DNAJC17: variants seen among roughly 807,000 people sequenced by gnomAD.
DNAJC17 encodes the protein DnaJ heat shock protein family (Hsp40) member C17, also known as dnaJ homolog subfamily C member 17.
Under a neutral mutation model 48.1 loss-of-function variants are expected in DNAJC17, and 35 were observed. The observed-to-expected ratio is 0.73, with a 90% confidence interval of 0.56 to 0.96. The LOEUF is 0.96. DNAJC17 is among the 50% of genes least tolerant of loss of function. DNAJC17 has a pLI of 0.00. For synonymous variants in DNAJC17, 117 were observed against 142.7 expected (o/e 0.82, Z 1.28); for missense variants, 355 against 377.1 (o/e 0.94, Z 0.48).
In DNAJC17 at chr15:40,786,846, C is replaced by T. The variant is rs181313440; in HGVS notation, c.79-6849G>A. On this transcript the variant is annotated intron_variant, in intron 1 of 10. Coordinates refer to ENST00000220496, the MANE Select transcript of DNAJC17 (RefSeq NM_018163.3). ...CAATTTGCAGAAACTTGGTCTTTCT[C>T]CTGATGGCTTTCTAAAAACCTCACT... 1.0e-3 allele frequency among the ~76,000 whole-genome samples: 152 copies of T among 152,306 alleles called. 1 individual carries two copies. The highest frequency in any genetic ancestry group is 1.8e-3 in the Non-Finnish European group (125 of 68,014).
intron 1 of DNAJC17, among the ~76,000 whole-genome samples, chr15:40,785,919 T>C (rs905476224): frequency 4.6e-5 from 7 of 152,258 alleles, no homozygotes; most frequent in Non-Finnish European, 8.8e-5. Context: ...TAGTTATTAC[T>C]ATATTTAACT....
At chr15:40,800,795 C>T (rs1890056611) in intron 1 of DNAJC17, among the ~76,000 whole-genome samples, 1 of 151,856 alleles carries the variant, frequency 6.6e-6, no homozygotes, top group African/African-American at 2.4e-5. Flanking sequence ...CACATCTCCA[C>T]TAAAAATATA....
At chr15:40,793,356 T>C (rs1336097864) in intron 1 of DNAJC17, among the ~76,000 whole-genome samples, 1 of 152,228 alleles carries the variant, frequency 6.6e-6, no homozygotes, top group East Asian at 1.9e-4. Context: ...ACTGAGTATA[T>C]AACTGTGTGA....
Position 40,770,646 on chromosome 15 carries a change from G to A in DNAJC17, c.793-2584C>T. On this transcript the variant is annotated intron_variant, in intron 10 of 10. Transcript: ENST00000220496. The surrounding 1 kb of genome is among the most constrained non-coding windows in gnomAD (Gnocchi z 5.0). Reference sequence around the variant, plus strand: ...CCACGAGGAGTACAGCAACCGAGAAGTCATCCGGGAGCTACAAGGGAGGCC... The same window carrying A: ...CCACGAGGAGTACAGCAACCGAGAAATCATCCGGGAGCTACAAGGGAGGCC... The A allele has an allele frequency of 6.5e-7, 1 of 1,550,228 alleles. No homozygotes were observed. Among genetic ancestry groups the A allele is most frequent in the Non-Finnish European group, 8.7e-7 (1 of 1,146,960 alleles).
At chr15:40,800,485 CT>C (rs780909826) in intron 1 of DNAJC17, among the ~76,000 whole-genome samples, 404 of 141,656 alleles carry the variant, frequency 2.9e-3, no homozygotes, top group Middle Eastern at 0.011. Context: ...TTGTCTTTTT[CT>C]TTTTTTTTTT....
intron 1 of DNAJC17, among the ~76,000 whole-genome samples, chr15:40,782,728 A>G (rs1474091040): frequency 6.6e-6 from 1 of 152,154 alleles, no homozygotes; most frequent in Non-Finnish European, 1.5e-5. Context: ...AGCAGCCAGC[A>G]TCCACAAGGT....
At chr15:40,777,801 C>T (rs13380176) in intron 4 of DNAJC17, among the ~76,000 whole-genome samples, 64,781 of 151,588 alleles carry the variant, frequency 0.43, 14,408 homozygotes, top group Middle Eastern at 0.57. Flanking sequence ...ATGCTTGCAG[C>T]AATCTTATTG....
intron 1 of DNAJC17, among the ~76,000 whole-genome samples, chr15:40,790,470 T>C (rs1889769831): frequency 6.6e-6 from 1 of 152,120 alleles, no homozygotes; most frequent in Non-Finnish European, 1.5e-5. Context: ...TCCCAGCTAC[T>C]TGGGAAGCTG....
intron 1 of DNAJC17, among the ~76,000 whole-genome samples, chr15:40,799,092 G>A (rs1192184404): frequency 2.0e-5 from 3 of 151,980 alleles, no homozygotes; most frequent in Non-Finnish European, 4.4e-5. Context: ...TGGTGTGGTG[G>A]CGGGCGCCTG....
chr15:40,802,656 A>G (rs970172803), intron 1 of DNAJC17, among the ~76,000 whole-genome samples: 3 of 152,142 alleles, frequency 2.0e-5, no homozygotes, highest in African/African-American at 7.2e-5. Context: ...GAAGGAGCAG[A>G]GGCCTGAGCT....
intron 1 of DNAJC17, among the ~76,000 whole-genome samples, chr15:40,804,351 G>A (rs1375157217): frequency 6.6e-6 from 1 of 151,782 alleles, no homozygotes; most frequent in African/African-American, 2.4e-5. Context: ...GACCAGGCAG[G>A]AGGATAGCTT....
At chr15:40,781,265 T>C (rs943610964) in intron 1 of DNAJC17, among the ~76,000 whole-genome samples, 2 of 151,298 alleles carry the variant, frequency 1.3e-5, no homozygotes, top group Non-Finnish European at 2.9e-5. Context: ...TTTGGGAGGC[T>C]GAGGTGGGCA....
chr15:40,791,189 T>C (rs1332725461), intron 1 of DNAJC17, among the ~76,000 whole-genome samples: 4 of 152,006 alleles, frequency 2.6e-5, no homozygotes, highest in African/African-American at 9.6e-5. Flanking sequence ...CCATAATAAA[T>C]AAATAAACAA....
chr15:40,776,053 G>T, intron 6 of DNAJC17, 143 bp downstream of exon 6: 1 of 696,576 alleles, frequency 1.4e-6, no homozygotes, highest in Non-Finnish European at 2.5e-6. Context: ...AGTGGCATGT[G>T]TCAGAGTAAG....
intron 2 of DNAJC17, 60 bp downstream of exon 2, chr15:40,779,868 G>C: frequency 5.1e-6 from 8 of 1,563,516 alleles, no homozygotes; most frequent in Non-Finnish European, 6.1e-6. Flanking sequence ...GCTTACATCG[G>C]GAAACACAAT....
Position 40,776,182 on chromosome 15 carries a change from T to A in DNAJC17, c.478+14A>T. ...TACCTTGGAGGGGAGATAGGCGGGG[T>A]GATAGACCTGCACCTCTCAACCTCT... On this transcript the variant is annotated intron_variant, in intron 6 of 10. Transcript: ENST00000220496. 3 of 1,600,946 alleles carry A rather than the reference T, an allele frequency of 1.9e-6. No individual in the cohort carries two copies. Among genetic ancestry groups the A allele is most frequent in the Non-Finnish European group, 2.6e-6 (3 of 1,172,980 alleles).
In DNAJC17 at chr15:40,765,797, G is replaced by T. The variant is rs750548125; in HGVS notation, c.*2143C>A. The T allele has an allele frequency of 7.9e-7, 1 of 1,273,262 alleles. No homozygotes were observed. Among genetic ancestry groups the T allele is most frequent in the East Asian group, 2.5e-5 (1 of 39,488 alleles). The allele number at this position is 1,273,262 out of a possible 1,614,324, so 78.9% of individuals were successfully genotyped here. On this transcript the variant is annotated 3_prime_UTR_variant, in exon 11 of 11. Coordinates refer to ENST00000220496, the MANE Select transcript of DNAJC17 (RefSeq NM_018163.3). The stretch of plus-strand genomic sequence containing the variant: ...ACCTTCCACCTCCTCCTGGCAGCCA[G>T]CCAAGCAGCCACTGTGGCTTACCTT...
At chr15:40,799,093 C>T (rs924200699) in intron 1 of DNAJC17, among the ~76,000 whole-genome samples, 5 of 151,770 alleles carry the variant, frequency 3.3e-5, no homozygotes, top group Non-Finnish European at 7.4e-5. Flanking sequence ...GGTGTGGTGG[C>T]GGGCGCCTGT....
intron 1 of DNAJC17, among the ~76,000 whole-genome samples, chr15:40,800,308 T>G (rs1342259134): frequency 4.6e-5 from 7 of 152,268 alleles, no homozygotes; most frequent in Non-Finnish European, 7.4e-5. Flanking sequence ...CCTCAGGTGA[T>G]CCACCTGCCT....
Sources: allele counts gnomAD v4.1 joint callset (sites outside exome capture counted in the v4.1 genomes callset), GRCh38; gene constraint gnomAD v4.1.1; non-coding constraint Gnocchi (gnomAD v3.1); transcripts MANE v1.5; gene names NCBI Gene and HGNC (gene_info 2026-07-23, HGNC 2026-07-21).